PKD1L1: variants seen among roughly 807,000 people sequenced by gnomAD.
PKD1L1 encodes the protein polycystin-1-like protein 1.
A neutral mutation model predicts 323.4 loss-of-function variants in PKD1L1; 236 were observed. That is an observed-to-expected ratio of 0.73 (90% CI 0.66 to 0.81). PKD1L1 has a LOEUF of 0.81. PKD1L1 is among the 40% of genes least tolerant of loss of function. The pLI is 0.00. For missense variants in PKD1L1, 3,320 were observed against 3,508.0 expected (o/e 0.95, Z 1.35); for synonymous variants, 1,344 against 1,335.0 (o/e 1.01, Z -0.15).
At chr7:47,880,533 C>T (rs542551878) in intron 21 of PKD1L1, among the ~76,000 whole-genome samples, 195 bp downstream of exon 21, 2 of 125,180 alleles carry the variant, frequency 1.6e-5, no homozygotes, top group East Asian at 4.0e-4. Context: ...CTGCCTGCCT[C>T]GGCCTCCCAA....
chr7:47,904,356 C>T lies in PKD1L1; in HGVS notation c.1931+22G>A, dbSNP rs11766212. On this transcript the variant is annotated intron_variant, in intron 12 of 56. Transcript: ENST00000289672. ...TCCCGCGCTGTCTGTAGAGAGCACT[C>T]CGCCGCCTTGCAGTGGCTCACCTAC... is the stretch of plus-strand genomic sequence containing the variant. 0.35 allele frequency: 566,910 copies of T among 1,612,878 alleles called. 104,291 individuals are homozygous for T. Among genetic ancestry groups the T allele is most frequent in the East Asian group, 0.44 (19,866 of 44,728 alleles).
chr7:47,791,139 T>C (rs1001472740), intron 56 of PKD1L1, among the ~76,000 whole-genome samples: 7 of 152,126 alleles, frequency 4.6e-5, no homozygotes, highest in Non-Finnish European at 1.0e-4. Context: ...TTTAAAATTA[T>C]ATTTTAAAAT....
chr7:47,885,906 C>A lies in PKD1L1; in HGVS notation c.2985G>T (p.Val995=). The change falls in exon 18 of 57, where the codon GTG becomes GTT. Residue 995 remains valine (V), a synonymous_variant. Transcript: ENST00000289672. ...CTGAAGTGGCAGGTTGGCCAAGGGT[C>A]ACGGGTGAAGGTTCCCGTGAGAATG... The part of the protein sequence containing the change: ...TTPFSREPSP[V]TLGQPATSAP... The A allele has an allele frequency of 1.2e-6, 2 of 1,614,110 alleles. No individual in the cohort carries two copies. Among genetic ancestry groups the A allele is most frequent in the Non-Finnish European group, 1.7e-6 (2 of 1,180,018 alleles).
intron 56 of PKD1L1, among the ~76,000 whole-genome samples, chr7:47,791,571 T>C (rs747797348): frequency 6.6e-6 from 1 of 152,194 alleles, no homozygotes; most frequent in Non-Finnish European, 1.5e-5. Context: ...ATCTTCACTT[T>C]TGGTCATTTT....
intron 21 of PKD1L1, among the ~76,000 whole-genome samples, chr7:47,880,263 TACATATATATATATATATATA>T (rs1786513726): frequency 1.4e-4 from 12 of 88,326 alleles, no homozygotes; most frequent in East Asian, 2.5e-4. Context: ...TATATATATA[TACATATATATATATATATATA>T]TTTTTTTTTT....
chr7:47,813,346 C>G, intron 48 of PKD1L1, 53 bp from the exon 49 acceptor site: 1 of 1,595,268 alleles, frequency 6.3e-7, no homozygotes, highest in Non-Finnish European at 8.5e-7. Flanking sequence ...CAAGGCTACC[C>G]TGCAATCCGG....
the PKD1L1 span, among the ~76,000 whole-genome samples, chr7:47,956,540 C>T: frequency 6.6e-6 from 1 of 152,200 alleles, no homozygotes; most frequent in African/African-American, 2.4e-5. Context: ...AGACAGTATG[C>T]TTACAATTTC....
Position 47,796,000 on chromosome 7 carries a change from C to A in PKD1L1, c.8344G>T (p.Val2782Phe). ...ATCTCACAGCTTACGTGATTCTCAA[C>A]CATCTCAGCCTCTTCCAACTTTGGT... is the stretch of plus-strand genomic sequence containing the variant. ...ETPKLEEAEMVENHNYYLDEF... is the reference protein window; with the variant it reads ...ETPKLEEAEMFENHNYYLDEF... The change falls in exon 55 of 57, where the codon GTT becomes TTT. Residue 2782 changes from valine to phenylalanine, a missense_variant. Val to Phe is a conservative substitution (Grantham distance 50, BLOSUM62 -1). Transcript: ENST00000289672. The A allele has an allele frequency of 6.2e-7, 1 of 1,612,626 alleles. No homozygotes were observed. The highest frequency in any genetic ancestry group is 8.5e-7 in the Non-Finnish European group (1 of 1,179,602).
At chr7:47,910,759 C>A (rs952752719) in intron 8 of PKD1L1, among the ~76,000 whole-genome samples, 2 of 151,482 alleles carry the variant, frequency 1.3e-5, no homozygotes, top group Non-Finnish European at 1.5e-5. Context: ...TGGATTCAAG[C>A]GATTCTCCTG....
intron 4 of PKD1L1, among the ~76,000 whole-genome samples, chr7:47,934,757 G>T (rs932226586): frequency 3.3e-5 from 5 of 152,134 alleles, no homozygotes; most frequent in Admixed American, 6.5e-5. Context: ...GACTGGCTTG[G>T]GGGTGGGGGG....
chr7:47,782,357 T>C (rs1040828317), intron 56 of PKD1L1, among the ~76,000 whole-genome samples: 5 of 152,098 alleles, frequency 3.3e-5, no homozygotes, highest in African/African-American at 1.2e-4. Flanking sequence ...CTTATGAAAG[T>C]AGAGACTGCA....
intron 7 of PKD1L1, among the ~76,000 whole-genome samples, chr7:47,916,699 G>C (rs1028572649): frequency 6.6e-6 from 1 of 152,168 alleles, no homozygotes; most frequent in African/African-American, 2.4e-5. Context: ...TGGTAGACTC[G>C]CTGGGTGGCT....
intron 8 of PKD1L1, among the ~76,000 whole-genome samples, chr7:47,910,595 C>T (rs1042089364): frequency 2.0e-5 from 3 of 152,108 alleles, no homozygotes; most frequent in Admixed American, 6.5e-5. Flanking sequence ...TCCTTGGCCT[C>T]CCAAAGTGGT....
chr7:47,818,335 T>C, intron 46 of PKD1L1: 1 of 511,724 alleles, frequency 2.0e-6, no homozygotes, highest in Non-Finnish European at 3.0e-6. Context: ...CAGAGGAAAG[T>C]GTTGAGCATC....
intron 56 of PKD1L1, among the ~76,000 whole-genome samples, chr7:47,778,277 C>A (rs1239388054): frequency 1.3e-5 from 2 of 152,138 alleles, no homozygotes. Flanking sequence ...CACTTCCTCA[C>A]ATGTGTGAGA....
intron 11 of PKD1L1, 111 bp from the exon 12 acceptor site, chr7:47,904,728 C>A: frequency 7.8e-7 from 1 of 1,277,178 alleles, no homozygotes; most frequent in Non-Finnish European, 1.1e-6. Flanking sequence ...GAGGGGGAGG[C>A]AGCATTTAAT....
chr7:47,831,796 G>A (rs1483654749), intron 41 of PKD1L1, among the ~76,000 whole-genome samples: 1 of 152,206 alleles, frequency 6.6e-6, no homozygotes, highest in Non-Finnish European at 1.5e-5. Context: ...AACATCAGAG[G>A]CAGAGAGGTC....
intron 46 of PKD1L1, among the ~76,000 whole-genome samples, chr7:47,820,459 G>A (rs149067008): frequency 0.018 from 2,785 of 152,156 alleles, 82 homozygotes; most frequent in African/African-American, 0.063. Flanking sequence ...GCGTAGTGGC[G>A]CACACCTGTA....
intron 24 of PKD1L1, among the ~76,000 whole-genome samples, chr7:47,868,107 C>T (rs1187953781): frequency 1.3e-5 from 2 of 152,202 alleles, no homozygotes; most frequent in Non-Finnish European, 2.9e-5. Flanking sequence ...GTGGCTCATG[C>T]CTGTAATCCC....
Sources: gnomAD v4.1 joint callset for allele counts (sites outside exome capture counted in the v4.1 genomes callset) on GRCh38, gnomAD v4.1.1 for gene constraint, MANE v1.5 for transcripts, NCBI Gene and HGNC (gene_info 2026-07-23, HGNC 2026-07-21) for gene names.